Variants in VSNL1 observed in about 807,000 individuals in gnomAD.
VSNL1 encodes visinin-like protein 1.
VSNL1 carries 6 observed loss-of-function variants against 20.4 expected under a neutral mutation model. The ratio of observed to expected loss-of-function variants is 0.29; its 90% CI spans 0.16 to 0.58. VSNL1 has a LOEUF of 0.58. Among genes scored for constraint, VSNL1 ranks in the 20% least tolerant of loss-of-function variants. The pLI, the probability that VSNL1 is intolerant of heterozygous loss-of-function variation, is 0.90. For synonymous variants in VSNL1, 93 were observed against 86.4 expected (o/e 1.08, Z -0.42); for missense variants, 100 against 234.5 (o/e 0.43, Z 3.75).
intron 2 of VSNL1, among the ~76,000 whole-genome samples, chr2:17,639,848 G>A (rs1210833205): frequency 1.3e-5 from 2 of 152,174 alleles, no homozygotes; most frequent in African/African-American, 4.8e-5. Context: ...TGGAAGAACT[G>A]GAACCCAATA....
chr2:17,582,596 A>G (rs573303565), intron 1 of VSNL1, among the ~76,000 whole-genome samples: 1 of 152,254 alleles, frequency 6.6e-6, no homozygotes, highest in East Asian at 1.9e-4. Context: ...ACATACAGAA[A>G]CACGAAATAG....
At chr2:17,552,264 T>C (rs905858014) in intron 1 of VSNL1, among the ~76,000 whole-genome samples, 1 of 152,122 alleles carries the variant, frequency 6.6e-6, no homozygotes, top group Non-Finnish European at 1.5e-5. Flanking sequence ...TTACACGCGT[T>C]ACTTCATTAC....
At chr2:17,630,930 C>A (rs971929163) in intron 2 of VSNL1, among the ~76,000 whole-genome samples, 1 of 152,148 alleles carries the variant, frequency 6.6e-6, no homozygotes, top group Admixed American at 6.5e-5. Flanking sequence ...TATAGGCACA[C>A]AACACCACGC....
intron 2 of VSNL1, among the ~76,000 whole-genome samples, chr2:17,614,446 A>C (rs1209711936): frequency 6.6e-6 from 1 of 152,172 alleles, no homozygotes; most frequent in African/African-American, 2.4e-5. Flanking sequence ...AGCACTTTGG[A>C]GCCGACTCCG....
At chr2:17,573,173 A>C (rs1572340384) in intron 1 of VSNL1, among the ~76,000 whole-genome samples, 1 of 152,204 alleles carries the variant, frequency 6.6e-6, no homozygotes, top group Non-Finnish European at 1.5e-5. Context: ...GGCCTGATAA[A>C]CTATTGACAC....
At chr2:17,593,765 A>G (rs4038131) in intron 2 of VSNL1, among the ~76,000 whole-genome samples, 17,921 of 152,146 alleles carry the variant, frequency 0.12, 1,288 homozygotes, top group African/African-American at 0.2. Flanking sequence ...CTATTACTCA[A>G]TTGATGTCTA....
chr2:17,617,878 C>CACATGCACACATGCACATGA (rs1665254050), intron 2 of VSNL1, among the ~76,000 whole-genome samples: 1 of 136,040 alleles, frequency 7.4e-6, no homozygotes, highest in South Asian at 2.6e-4. Context: ...CATGCACATG[C>CACATGCACACATGCACATGA]ACATGCACGC....
intron 1 of VSNL1, among the ~76,000 whole-genome samples, chr2:17,571,253 C>A (rs1207245074): frequency 6.6e-6 from 1 of 152,170 alleles, no homozygotes; most frequent in East Asian, 1.9e-4. Flanking sequence ...CCTTTAGGTA[C>A]TAGGATGCTA....
chr2:17,583,561 T>C (rs62132074), intron 1 of VSNL1, among the ~76,000 whole-genome samples: 4,691 of 152,202 alleles, frequency 0.031, 85 homozygotes, highest in East Asian at 0.098. Flanking sequence ...AAAAATAAGG[T>C]GCAGAAAAGT....
chr2:17,616,249 AG>A (rs1299622102), intron 2 of VSNL1, among the ~76,000 whole-genome samples: 1 of 152,252 alleles, frequency 6.6e-6, no homozygotes, highest in Non-Finnish European at 1.5e-5. Context: ...CTGTGGTGAC[AG>A]GAACAAGGCA....
chr2:17,539,989 C>A (rs971277353), upstream of VSNL1: 5 of 140,712 alleles, frequency 3.6e-5, no homozygotes, highest in Non-Finnish European at 4.6e-5. Flanking sequence ...AGGCGCTTGG[C>A]TCAGGGTACA....
At chr2:17,641,629 T>A in intron 2 of VSNL1, among the ~76,000 whole-genome samples, 1 of 152,184 alleles carries the variant, frequency 6.6e-6, no homozygotes, top group East Asian at 1.9e-4. Context: ...TTCATTTGAT[T>A]TTAAAGTCTG....
intron 1 of VSNL1, among the ~76,000 whole-genome samples, chr2:17,570,344 C>G (rs990673747): frequency 6.6e-6 from 1 of 152,306 alleles, no homozygotes; most frequent in African/African-American, 2.4e-5. Flanking sequence ...CACACCAGCC[C>G]TATACCAATC....
chr2:17,547,920 A>G (rs1169952785), intron 1 of VSNL1, among the ~76,000 whole-genome samples: 1 of 152,130 alleles, frequency 6.6e-6, no homozygotes, highest in African/African-American at 2.4e-5. Flanking sequence ...CTGAACTTCA[A>G]TAAAAAACGT....
At chr2:17,601,839 G>A (rs1229674311) in intron 2 of VSNL1, among the ~76,000 whole-genome samples, 1 of 151,704 alleles carries the variant, frequency 6.6e-6, no homozygotes, top group Non-Finnish European at 1.5e-5. Flanking sequence ...GGAGGCTGAG[G>A]GCACAAGAAT....
At chr2:17,583,538 C>T (rs1374054539) in intron 1 of VSNL1, among the ~76,000 whole-genome samples, 1 of 152,182 alleles carries the variant, frequency 6.6e-6, no homozygotes, top group Non-Finnish European at 1.5e-5. Context: ...AGAGACAGTA[C>T]ACATAGGGAA....
At chr2:17,652,623 C>T (rs1666145063) in intron 3 of VSNL1, among the ~76,000 whole-genome samples, 1 of 152,206 alleles carries the variant, frequency 6.6e-6, no homozygotes, top group Non-Finnish European at 1.5e-5. Flanking sequence ...TTCCTGAATG[C>T]CAAGGTATTT....
At chr2:17,613,134 C>T (rs1210851256) in intron 2 of VSNL1, among the ~76,000 whole-genome samples, 3 of 152,132 alleles carry the variant, frequency 2.0e-5, no homozygotes, top group African/African-American at 7.2e-5. Flanking sequence ...CTTCATACTG[C>T]AGCATCTTGC....
intron 2 of VSNL1, among the ~76,000 whole-genome samples, chr2:17,618,623 T>C (rs1233268939): frequency 2.0e-5 from 3 of 152,226 alleles, no homozygotes; most frequent in African/African-American, 7.2e-5. Context: ...CTGCCTCCTC[T>C]GCCCAGGTTC....
Sources: gnomAD v4.1 joint callset for allele counts (sites outside exome capture counted in the v4.1 genomes callset) on GRCh38, gnomAD v4.1.1 for gene constraint, MANE v1.5 for transcripts, NCBI Gene and HGNC (gene_info 2026-07-23, HGNC 2026-07-21) for gene names.